The following EP300 variants were observed in gnomAD, a reference collection of about 807,000 sequenced individuals.
EP300 encodes histone acetyltransferase p300.
In EP300, 31 loss-of-function variants were observed where a neutral mutation model predicts 264.0. That is an observed-to-expected ratio of 0.12 (90% CI 0.09 to 0.16). The LOEUF is 0.16. EP300 is among the 10% of genes least tolerant of loss of function. EP300 has a pLI of 1.00. For missense variants in EP300, 2,766 were observed against 3,052.9 expected (o/e 0.91, Z 2.21); for synonymous variants, 1,340 against 1,045.4 (o/e 1.28, Z -5.44).
intron 1 of EP300, among the ~76,000 whole-genome samples, chr22:41,098,604 C>G (rs1340313539): frequency 1.3e-5 from 2 of 152,190 alleles, no homozygotes; most frequent in African/African-American, 4.8e-5. Flanking sequence ...ATACACTGAC[C>G]TCGTGATCCG....
At chr22:41,171,644 T>A (rs2059171388) in intron 27 of EP300, among the ~76,000 whole-genome samples, 1 of 151,438 alleles carries the variant, frequency 6.6e-6, no homozygotes, top group Non-Finnish European at 1.5e-5. Flanking sequence ...GCCAAAAATA[T>A]ATTCTCCCTT....
chr22:41,106,236 G>C (rs528676646), intron 1 of EP300, among the ~76,000 whole-genome samples: 1 of 152,184 alleles, frequency 6.6e-6, no homozygotes, highest in Non-Finnish European at 1.5e-5. Context: ...AGCATCCATT[G>C]TAAGAGTAGG....
At position 41,146,960 on chromosome 22, in the gene EP300, TG is replaced by T. The variant is rs1412660772; in HGVS notation, c.2131+146del. ...GAGGAAGAGGGGGTGAAGAGCAGGT[TG>T]GCTGGCAGATCACAGGGCAGGTGAC... is the stretch of plus-strand genomic sequence containing the variant. On this transcript the variant is annotated intron_variant, in intron 11 of 30. Coordinates refer to ENST00000263253, the MANE Select transcript of EP300 (RefSeq NM_001429.4). 3 of 750,398 alleles carry T rather than the reference TG, an allele frequency of 4.0e-6. No individual in the cohort carries two copies. The African/African-American group carries it at 5.2e-5, about 13-fold the overall frequency. The allele number at this position is 750,398 out of a possible 1,614,324, so 46.5% of individuals were successfully genotyped here.
chr22:41,130,671 T>G (rs1195609198), intron 5 of EP300, among the ~76,000 whole-genome samples: 1 of 152,222 alleles, frequency 6.6e-6, no homozygotes, highest in African/African-American at 2.4e-5. Flanking sequence ...CTATGAAAAT[T>G]TAAAGACCGT....
intron 21 of EP300, among the ~76,000 whole-genome samples, chr22:41,163,296 G>A (rs1481919490): frequency 8.0e-5 from 12 of 150,922 alleles, no homozygotes; most frequent in East Asian, 1.9e-4. Context: ...TTAGCCGGGC[G>A]TAGTGGCGGG....
At chr22:41,141,576 A>C (rs2058982481) in intron 10 of EP300, among the ~76,000 whole-genome samples, 1 of 152,216 alleles carries the variant, frequency 6.6e-6, no homozygotes, top group South Asian at 2.1e-4. Flanking sequence ...TTGTAGGCTG[A>C]CCAGGTTCAG....
At position 41,147,915 on chromosome 22, in the gene EP300, G is replaced by A. The variant is rs1399702248; in HGVS notation, c.2210G>A (p.Gly737Glu). 6.2e-7 allele frequency: 1 copy of A among 1,613,256 alleles called. No homozygotes were observed. Among genetic ancestry groups the A allele is most frequent in the South Asian group, 1.1e-5 (1 of 90,972 alleles). Residue 737 changes from glycine (G) to glutamate (E), a missense_variant, in exon 12 of 31, where the codon GGA becomes GAA. Coordinates refer to ENST00000263253, the MANE Select transcript of EP300 (RefSeq NM_001429.4). ...CAAACCCCTCCTCTTCAGCACCATG[G>A]ACAGTTGGCTCAACCTGGAGCTCTC... Reference protein sequence around the residue: ...PRQTPPLQHHGQLAQPGALNP... With the variant: ...PRQTPPLQHHEQLAQPGALNP...
rs201239346 is a variant in EP300 at position 41,151,904 on chromosome 22, T to C, written c.2889T>C (p.Asn963=). Residue 963 remains asparagine, a synonymous_variant, in exon 15 of 31, where the codon AAT becomes AAC. Coordinates refer to ENST00000263253, the MANE Select transcript of EP300 (RefSeq NM_001429.4). The stretch of plus-strand genomic sequence containing the variant: ...CATCTACTAGTAGCACAGAAGTGAA[T>C]TCTCAGGCCATTGCTGAGAAGCAGC... ...NPPSTSSTEV[N]SQAIAEKQPS... 257 of 1,614,066 alleles carry C rather than the reference T, an allele frequency of 1.6e-4. No individual in the cohort carries two copies. The highest frequency in any genetic ancestry group is 2.1e-4 in the Non-Finnish European group (242 of 1,179,990).
intron 2 of EP300, 87 bp from the exon 3 acceptor site, chr22:41,125,777 T>C: frequency 7.1e-7 from 1 of 1,411,740 alleles, no homozygotes; most frequent in Non-Finnish European, 9.8e-7. Flanking sequence ...AAACTGTCTT[T>C]GTGAACTTGG....
intron 1 of EP300, among the ~76,000 whole-genome samples, chr22:41,112,045 G>A (rs575462252): frequency 2.6e-4 from 39 of 148,724 alleles, no homozygotes; most frequent in African/African-American, 9.0e-4. Flanking sequence ...CCGCCACCGC[G>A]CCCAGCTAAT....
chr22:41,166,731 C>CA (rs944555824), intron 23 of EP300, 65 bp downstream of exon 23: 24 of 1,087,702 alleles, frequency 2.2e-5, no homozygotes, highest in Admixed American at 3.8e-5. Context: ...AGAAACCATC[C>CA]AAAGTGAATT....
intron 10 of EP300, 146 bp downstream of exon 10, chr22:41,141,368 A>G (rs182384658): frequency 1.9e-5 from 15 of 802,256 alleles, no homozygotes; most frequent in Admixed American, 1.1e-4. Flanking sequence ...TAACTCATCT[A>G]CTAGTAAAAA....
In EP300 at chr22:41,148,874, C is replaced by T; in HGVS notation, c.2242-164C>T. The T allele has an allele frequency of 4.8e-6, 4 of 829,714 alleles. No individual in the cohort carries two copies. In the South Asian group the frequency reaches 6.7e-5, roughly 14 times the overall value. 51.4% of individuals were successfully genotyped at this position (829,714 alleles called of 1,614,324 possible). On this transcript the variant is annotated intron_variant, in intron 12 of 30. Transcript: ENST00000263253. The stretch of plus-strand genomic sequence containing the variant: ...TATCTTGGCACAAGAGTCAGTTGTT[C>T]TACAACTTTCTTCCTTCTCCTCTTC...
intron 10 of EP300, among the ~76,000 whole-genome samples, chr22:41,143,054 C>T (rs1342617356): frequency 6.6e-6 from 1 of 152,232 alleles, no homozygotes; most frequent in Non-Finnish European, 1.5e-5. Context: ...GGTAGTGGAA[C>T]TGAGTATCAG....
At chr22:41,167,814 G>C (rs376449806) in intron 23 of EP300, among the ~76,000 whole-genome samples, 1 of 66,208 alleles carries the variant, frequency 1.5e-5, no homozygotes, top group Non-Finnish European at 2.6e-5. Context: ...GTTTGTTTTT[G>C]TTTTTTTTTT....
At chr22:41,158,347 C>G (rs2145749235) in intron 18 of EP300, 65 bp from the exon 19 acceptor site, 1 of 1,316,816 alleles carries the variant, frequency 7.6e-7, no homozygotes, top group Non-Finnish European at 1.1e-6. Flanking sequence ...TCTGACTTGC[C>G]ATTCTTACTG....
At chr22:41,127,955 A>G (rs1477159999) in intron 4 of EP300, among the ~76,000 whole-genome samples, 1 of 152,204 alleles carries the variant, frequency 6.6e-6, no homozygotes, top group Non-Finnish European at 1.5e-5. Flanking sequence ...TGGTAGGCCA[A>G]ATGGGGAGGA....
intron 5 of EP300, among the ~76,000 whole-genome samples, chr22:41,130,280 A>C (rs1025759145): frequency 7.9e-5 from 12 of 151,950 alleles, no homozygotes; most frequent in African/African-American, 2.7e-4. Flanking sequence ...AGAAAGAAAA[A>C]ACAGTGCAGT....
At position 41,179,063 on chromosome 22, in the gene EP300, C is replaced by T; in HGVS notation, c.*107C>T. On this transcript the variant is annotated 3_prime_UTR_variant, in exon 31 of 31. Transcript: ENST00000263253. Reference sequence around the variant, plus strand: ...CTTTCGTAGCCTAAAAGACAATTTTCCTTGGAACACATAAGAACTGTGCAG... The same window carrying T: ...CTTTCGTAGCCTAAAAGACAATTTTTCTTGGAACACATAAGAACTGTGCAG... 7.3e-7 allele frequency: 1 copy of T among 1,360,856 alleles called. No homozygotes were observed. The highest frequency in any genetic ancestry group is 1.0e-6 in the Non-Finnish European group (1 of 985,008). 84.3% of individuals were successfully genotyped at this position (1,360,856 alleles called of 1,614,324 possible).
Sources: allele counts gnomAD v4.1 joint callset (sites outside exome capture counted in the v4.1 genomes callset), GRCh38; gene constraint gnomAD v4.1.1; transcripts MANE v1.5; gene names NCBI Gene and HGNC (gene_info 2026-07-23, HGNC 2026-07-21).